Variants in CYP4B1 observed in about 807,000 individuals in gnomAD.
CYP4B1 encodes the protein cytochrome P450 4B1.
Under a neutral mutation model 54.0 loss-of-function variants are expected in CYP4B1, and 45 were observed. The observed-to-expected ratio is 0.83, with a 90% confidence interval of 0.66 to 1.07. CYP4B1 has a LOEUF of 1.07. Ranked by LOEUF, CYP4B1 falls within the 50% of genes least tolerant of loss-of-function variation. CYP4B1 has a pLI of 0.00. For missense variants in CYP4B1, 656 were observed against 655.4 expected, an observed-to-expected ratio of 1.00 and a Z score of -0.01; for synonymous variants, 248 against 247.5, an observed-to-expected ratio of 1.00 and a Z score of -0.02.
Position 46,813,432 on chromosome 1 carries a change from C to T in CYP4B1, c.496-50C>T. ...GGGCAGCTTGGGGCATCCAGCCCAA[C>T]TAACCCCTGCATCGCCTCCTACACA... On this transcript the variant is annotated intron_variant, in intron 4 of 11. Coordinates refer to ENST00000371923, the MANE Select transcript of CYP4B1 (RefSeq NM_001099772.2). 4 of 1,612,866 alleles carry T rather than the reference C, an allele frequency of 2.5e-6. No individual in the cohort carries two copies. In the East Asian group the frequency reaches 6.7e-5, roughly 27 times the overall value.
Position 46,813,526 on chromosome 1 carries a change from C to A in CYP4B1, c.540C>A (p.Ile180=). The A allele has an allele frequency of 6.2e-7, 1 of 1,614,198 alleles. No homozygotes were observed. The highest frequency in any genetic ancestry group is 8.5e-7 in the Non-Finnish European group (1 of 1,180,024). The change falls in exon 5 of 12, where the codon ATC becomes ATA. Residue 180 remains isoleucine (I), a synonymous_variant. Coordinates refer to ENST00000371923, the MANE Select transcript of CYP4B1 (RefSeq NM_001099772.2). The part of the protein sequence containing the change: ...EKAREGKSFD[I]FCDVGHMALN... ...CTCGGGAGGGTAAGTCCTTTGACAT[C>A]TTCTGCGATGTGGGTCACATGGCGC... is the stretch of plus-strand genomic sequence containing the variant.
chr1:46,817,166 C>A lies in CYP4B1; in HGVS notation c.1192C>A (p.Arg398=). 6.2e-7 allele frequency: 1 copy of A among 1,614,144 alleles called. No individual in the cohort carries two copies. Among genetic ancestry groups the A allele is most frequent in the Non-Finnish European group, 8.5e-7 (1 of 1,180,020 alleles). Residue 398 remains arginine, a synonymous_variant, in exon 9 of 12, where the codon CGG becomes AGG. Coordinates refer to ENST00000371923, the MANE Select transcript of CYP4B1 (RefSeq NM_001099772.2). Reference sequence around the variant, plus strand: ...CAAGCCTGTCACCTTTGTGGATGGCCGGTCTCTACCTGCAGGTGGGATGGG... The same window carrying A: ...CAAGCCTGTCACCTTTGTGGATGGCAGGTCTCTACCTGCAGGTGGGATGGG... ...LSKPVTFVDG[R]SLPAGSLISM...
At chr1:46,817,399 A>G (rs1160397165) in intron 9 of CYP4B1, 2 of 590,086 alleles carry the variant, frequency 3.4e-6, no homozygotes, top group South Asian at 2.1e-5. Context: ...AAGAGTATCT[A>G]TGTTTCTAGG....
chr1:46,811,474 CCAAAAGGAGATTTAAATAGGT>C (rs1327123222), intron 3 of CYP4B1, among the ~76,000 whole-genome samples: 1 of 152,158 alleles, frequency 6.6e-6, no homozygotes, highest in African/African-American at 2.4e-5. Context: ...TAGAGTTGAT[CCAAAAGGAGATTTAAATAGGT>C]AGTGCTGGCC....
intron 1 of CYP4B1, among the ~76,000 whole-genome samples, chr1:46,809,181 A>C (rs12093017): frequency 0.039 from 5,793 of 146,660 alleles, 177 homozygotes; most frequent in African/African-American, 0.089. Context: ...ATCCTTAAAA[A>C]AAAACAAAAC....
intron 1 of CYP4B1, among the ~76,000 whole-genome samples, chr1:46,803,948 G>A (rs928706980): frequency 1.3e-5 from 2 of 152,150 alleles, no homozygotes; most frequent in Non-Finnish European, 2.9e-5. Flanking sequence ...GTGTGGGTTT[G>A]GAAATGCTGG....
chr1:46,813,401 C>T, intron 4 of CYP4B1, 81 bp from the exon 5 acceptor site: 1 of 1,576,106 alleles, frequency 6.3e-7, no homozygotes, highest in East Asian at 2.2e-5. Context: ...GGCTACGGGT[C>T]CTGGAGGGCA....
intron 1 of CYP4B1, among the ~76,000 whole-genome samples, chr1:46,804,842 C>T (rs1214424285): frequency 2.6e-5 from 4 of 152,214 alleles, no homozygotes; most frequent in Non-Finnish European, 4.4e-5. Flanking sequence ...GGCATTTCTG[C>T]TGATCTTTGC....
rs1557484858 is a variant in CYP4B1, at chr1:46,800,249, CCT to C, written c.180+989_180+990del. On this transcript the variant is annotated intron_variant, in intron 1 of 11. Coordinates refer to ENST00000371923, the MANE Select transcript of CYP4B1 (RefSeq NM_001099772.2). Reference sequence around the variant, plus strand: ...TCTTTCTTTCTTTCTTTCCTTCCTTCCTTCCTTCCTTCCTTCCTTCCTTCCTT... The same window carrying C: ...TCTTTCTTTCTTTCTTTCCTTCCTTCTCCTTCCTTCCTTCCTTCCTTCCTT... 2.7e-3 allele frequency among the ~76,000 whole-genome samples: 144 copies of C among 52,682 alleles called. 1 individual carries two copies. Among genetic ancestry groups the C allele is most frequent in the Non-Finnish European group, 4.3e-3 (105 of 24,532 alleles). The allele number at this position is 52,682 out of a possible 152,430, so 34.6% of individuals were successfully genotyped here.
In CYP4B1 at chr1:46,812,134, A is replaced by G. The variant is rs755417176; in HGVS notation, c.368-362A>G. 10 of 474,218 alleles carry G rather than the reference A, an allele frequency of 2.1e-5. No homozygotes were observed. In the East Asian group the frequency reaches 5.7e-4, roughly 27 times the overall value. The allele number at this position is 474,218 out of a possible 1,614,324, so 29.4% of individuals were successfully genotyped here. ...GCTGTGGCCAGTCTCAGCAGCTGAGAGTCAAGGCTCAGCAGGCTCCCCCTC... is the reference window on the plus strand; with the variant it reads ...GCTGTGGCCAGTCTCAGCAGCTGAGGGTCAAGGCTCAGCAGGCTCCCCCTC... On this transcript the variant is annotated intron_variant, in intron 3 of 11. Transcript: ENST00000371923.
rs975552520 is a variant in CYP4B1, at chr1:46,817,417, C to G, written c.1207+236C>G. 31 of 565,756 alleles carry G rather than the reference C, an allele frequency of 5.5e-5. No individual in the cohort carries two copies. The African/African-American group carries it at 5.8e-4, about 11-fold the overall frequency. The allele number at this position is 565,756 out of a possible 1,614,324, so 35.0% of individuals were successfully genotyped here. A position where few individuals can be genotyped will look rare whatever the true frequency, so the allele number is the denominator to read the frequency against. The stretch of plus-strand genomic sequence containing the variant: ...AGTATCTATGTTTCTAGGCTGCTGT[C>G]AGGATTAAAGAGAATGTTCACCAAG... On this transcript the variant is annotated intron_variant, in intron 9 of 11. Transcript: ENST00000371923.
intron 4 of CYP4B1, 56 bp from the exon 5 acceptor site, chr1:46,813,426 G>A (rs1489502572): frequency 6.2e-7 from 1 of 1,611,680 alleles, no homozygotes; most frequent in Non-Finnish European, 8.5e-7. Flanking sequence ...GGGGCATCCA[G>A]CCCAACTAAC....
intron 1 of CYP4B1, 124 bp downstream of exon 1, chr1:46,799,385 G>A (rs1303339774): frequency 3.5e-6 from 3 of 860,562 alleles, no homozygotes; most frequent in Non-Finnish European, 5.3e-6. Flanking sequence ...TGATGTCCTG[G>A]GATCCATGGC....
In CYP4B1 at chr1:46,814,092, A is replaced by C. The variant is rs373552568; in HGVS notation, c.775+29A>C. The stretch of plus-strand genomic sequence containing the variant: ...GGCCTTTCCCACAAGGCTCACCTCT[A>C]GGAAGCCTGGGTTCCTCCTCCTGGC... On this transcript the variant is annotated intron_variant, in intron 6 of 11. Transcript: ENST00000371923. The C allele has an allele frequency of 6.8e-6, 11 of 1,612,910 alleles. No homozygotes were observed. The African/African-American group carries it at 1.5e-4, about 22-fold the overall frequency.
At position 46,810,798 on chromosome 1, in the gene CYP4B1, A is replaced by T; in HGVS notation, c.181-10A>T. On this transcript the variant is annotated splice_polypyrimidine_tract_variant and intron_variant, in intron 1 of 11. Coordinates refer to ENST00000371923, the MANE Select transcript of CYP4B1 (RefSeq NM_001099772.2). ...TCCTGAGTGACCTTGGCCTTCTGTC[A>T]TCATTTCAGATCCAGGAGACGGGGA... The T allele has an allele frequency of 6.2e-7, 1 of 1,614,104 alleles. No individual in the cohort carries two copies. The highest frequency in any genetic ancestry group is 2.2e-5 in the East Asian group (1 of 44,876).
chr1:46,806,479 G>C (rs535126072), intron 1 of CYP4B1, among the ~76,000 whole-genome samples: 2 of 152,354 alleles, frequency 1.3e-5, no homozygotes, highest in South Asian at 4.1e-4. Context: ...TGCAGAAAGA[G>C]ACTAAGCCAG....
At chr1:46,817,284 G>A (rs1679374579) in intron 9 of CYP4B1, 103 bp downstream of exon 9, 2 of 1,437,722 alleles carry the variant, frequency 1.4e-6, no homozygotes, top group South Asian at 2.6e-5. Flanking sequence ...AAGAGCTCAG[G>A]CTTTGCGTTC....
In CYP4B1 at chr1:46,819,079, C is replaced by G. The variant is rs1031400853; in HGVS notation, c.*265C>G. 1 of 361,312 alleles carries G rather than the reference C, an allele frequency of 2.8e-6. No homozygotes were observed. Among genetic ancestry groups the G allele is most frequent in the Non-Finnish European group, 5.0e-6 (1 of 200,868 alleles). The allele number at this position is 361,312 out of a possible 1,614,324, so 22.4% of individuals were successfully genotyped here. A position where few individuals can be genotyped will look rare whatever the true frequency, so the allele number is the denominator to read the frequency against. On this transcript the variant is annotated 3_prime_UTR_variant, in exon 12 of 12. Transcript: ENST00000371923. ...AGCACCTATTTCGTTCGAGAAACTT[C>G]ATTTATCTCCTATAATTGGCAAACT...
chr1:46,804,674 C>A (rs1678789209), intron 1 of CYP4B1, among the ~76,000 whole-genome samples: 1 of 151,990 alleles, frequency 6.6e-6, no homozygotes, highest in Non-Finnish European at 1.5e-5. Context: ...GGTCTGCCAG[C>A]TGACTTTTTG....
Sources: allele counts gnomAD v4.1 joint callset (sites outside exome capture counted in the v4.1 genomes callset), GRCh38; gene constraint gnomAD v4.1.1; transcripts MANE v1.5; gene names NCBI Gene and HGNC (gene_info 2026-07-23, HGNC 2026-07-21).